SOX6: variants seen among roughly 807,000 people sequenced by gnomAD.
SOX6 encodes the protein transcription factor SOX-6.
In SOX6, 11 loss-of-function variants were observed where a neutral mutation model predicts 97.8. The observed-to-expected ratio is 0.11, with a 90% CI of 0.07 to 0.19. The LOEUF (loss-of-function observed/expected upper bound fraction) is 0.19. Ranked by LOEUF, SOX6 falls within the 10% of genes least tolerant of loss-of-function variation. The pLI is 1.00. For missense variants in SOX6, 810 were observed against 1,039.5 expected (o/e 0.78, Z 3.04); for synonymous variants, 360 against 371.4 (o/e 0.97, Z 0.35).
intron 4 of SOX6, chr11:16,606,104 G>C (rs1049300273): frequency 4.0e-5 from 6 of 151,532 alleles, no homozygotes; most frequent in Admixed American, 3.9e-4. Context: ...CACTCCAGTC[G>C]TCAGTCGGCC....
intron 2 of SOX6, among the ~76,000 whole-genome samples, chr11:16,329,962 T>C (rs1018313807): frequency 1.3e-5 from 2 of 152,198 alleles, no homozygotes; most frequent in Non-Finnish European, 2.9e-5. Context: ...TTACAGTACC[T>C]TTCTATCCTC....
intron 4 of SOX6, among the ~76,000 whole-genome samples, chr11:16,611,107 T>C (rs895048435): frequency 6.6e-6 from 1 of 152,228 alleles, no homozygotes; most frequent in African/African-American, 2.4e-5. Context: ...GCAAAGGCAA[T>C]TCGGCTTTGC....
At chr11:16,277,301 C>T (rs1854431054) in intron 3 of SOX6, among the ~76,000 whole-genome samples, 1 of 152,086 alleles carries the variant, frequency 6.6e-6, no homozygotes, top group South Asian at 2.1e-4. Flanking sequence ...TTATCCCTCT[C>T]ACTGCCCCCA....
At chr11:16,604,438 G>A (rs866784692) in intron 4 of SOX6, among the ~76,000 whole-genome samples, 1 of 152,218 alleles carries the variant, frequency 6.6e-6, no homozygotes, top group Non-Finnish European at 1.5e-5. Flanking sequence ...GTGGGCGGGA[G>A]TAGAGGGGCC....
chr11:16,187,008 T>C (rs543945957), intron 4 of SOX6, 53 bp from the exon 5 acceptor site: 3 of 1,602,312 alleles, frequency 1.9e-6, no homozygotes, highest in East Asian at 2.2e-5. Flanking sequence ...CCTGGACGAA[T>C]AAGGGAAAGG....
rs1428556894 is a variant in SOX6 at position 16,111,860 on chromosome 11, C to T, written c.841G>A (p.Ala281Thr). 6.2e-7 allele frequency: 1 copy of T among 1,612,890 alleles called. No homozygotes were observed. The highest frequency in any genetic ancestry group is 1.1e-5 in the South Asian group (1 of 91,022). ...IFPHDQRTLA[A>T]AAAAQQGFLF... ...AATCCCTGTTGGGCAGCAGCAGCTGCTGCCAGAGTCCGCTGGTCATGTGGA... is the reference window on the plus strand; with the variant it reads ...AATCCCTGTTGGGCAGCAGCAGCTGTTGCCAGAGTCCGCTGGTCATGTGGA... Residue 281 changes from alanine (A) to threonine (T), a missense_variant, in exon 7 of 16, where the codon GCA (alanine) becomes ACA (threonine). Ala to Thr is a moderately conservative substitution (Grantham distance 58, BLOSUM62 0). Coordinates refer to ENST00000683767, the MANE Select transcript of SOX6 (RefSeq NM_001367873.1).
intron 2 of SOX6, among the ~76,000 whole-genome samples, chr11:16,735,868 C>T (rs1848387294): frequency 6.6e-6 from 1 of 151,934 alleles, no homozygotes. Context: ...TTTTTGTACA[C>T]AGCATAATCT....
intron 1 of SOX6, among the ~76,000 whole-genome samples, chr11:16,390,508 C>A (rs1048048070): frequency 6.6e-6 from 1 of 152,182 alleles, no homozygotes; most frequent in East Asian, 1.9e-4. Context: ...ATAAAGATTT[C>A]TTGTATTGCC....
chr11:16,506,268 G>A (rs1454907695), intron 4 of SOX6, among the ~76,000 whole-genome samples: 1 of 152,192 alleles, frequency 6.6e-6, no homozygotes, highest in Non-Finnish European at 1.5e-5. Context: ...GCCTGAATGA[G>A]AGACAAGGAG....
chr11:16,360,265 C>A (rs984843656), upstream of SOX6, among the ~76,000 whole-genome samples: 1 of 152,066 alleles, frequency 6.6e-6, no homozygotes, highest in Non-Finnish European at 1.5e-5. Flanking sequence ...TTTGGATGCA[C>A]CCTTTCCACT....
intron 12 of SOX6, among the ~76,000 whole-genome samples, chr11:16,027,173 A>T (rs1246565102): frequency 2.0e-5 from 3 of 152,228 alleles, no homozygotes; most frequent in Non-Finnish European, 4.4e-5. Flanking sequence ...TAAAAAATAC[A>T]ATAAAAATAA....
At chr11:16,601,608 T>C (rs1032276799) in intron 4 of SOX6, among the ~76,000 whole-genome samples, 1 of 152,040 alleles carries the variant, frequency 6.6e-6, no homozygotes, top group Non-Finnish European at 1.5e-5. Flanking sequence ...GCATAGAAAA[T>C]ATTAAAAGTA....
intron 3 of SOX6, among the ~76,000 whole-genome samples, chr11:16,238,292 T>G (rs1018847046): frequency 1.3e-5 from 2 of 152,044 alleles, no homozygotes; most frequent in Non-Finnish European, 2.9e-5. Flanking sequence ...AGCTTTTCTC[T>G]TTCAAGAAAT....
chr11:16,059,319 T>C (rs1847891789), intron 9 of SOX6, among the ~76,000 whole-genome samples: 1 of 152,048 alleles, frequency 6.6e-6, no homozygotes. Context: ...TTCAAATATT[T>C]TCTTTTCTTC....
At chr11:16,455,440 T>C (rs1859794324) in intron 1 of SOX6, among the ~76,000 whole-genome samples, 1 of 152,104 alleles carries the variant, frequency 6.6e-6, no homozygotes, top group Admixed American at 6.5e-5. Flanking sequence ...TATAATAGTT[T>C]AAATTCTTCA....
chr11:16,664,606 A>G (rs994416042), intron 3 of SOX6, among the ~76,000 whole-genome samples: 1 of 152,126 alleles, frequency 6.6e-6, no homozygotes, highest in Non-Finnish European at 1.5e-5. Flanking sequence ...TAAACTTGAA[A>G]GGCAGTCTAG....
chr11:16,375,900 G>A (rs1272956622), intron 1 of SOX6, among the ~76,000 whole-genome samples: 2 of 152,124 alleles, frequency 1.3e-5, no homozygotes, highest in Non-Finnish European at 2.9e-5. Context: ...GATGAAGCTG[G>A]AAACCATCAT....
At chr11:16,148,129 T>C (rs1589974557) in intron 6 of SOX6, among the ~76,000 whole-genome samples, 1 of 152,214 alleles carries the variant, frequency 6.6e-6, no homozygotes, top group East Asian at 1.9e-4. Flanking sequence ...ACAAATACAG[T>C]GAATTTAACT....
chr11:16,440,296 T>G (rs1859479143), intron 1 of SOX6, among the ~76,000 whole-genome samples: 1 of 152,206 alleles, frequency 6.6e-6, no homozygotes, highest in Middle Eastern at 3.2e-3. Context: ...AGAATTAATT[T>G]CCTCATTTTT....
Sources: gnomAD v4.1 joint callset for allele counts (sites outside exome capture counted in the v4.1 genomes callset) on GRCh38, gnomAD v4.1.1 for gene constraint, MANE v1.5 for transcripts, NCBI Gene and HGNC (gene_info 2026-07-23, HGNC 2026-07-21) for gene names.